Variants in TRHDE observed in about 807,000 individuals in gnomAD.
TRHDE encodes the protein thyrotropin releasing hormone degrading enzyme.
TRHDE carries 72 observed loss-of-function variants against 125.7 expected under a neutral mutation model. The ratio of observed to expected loss-of-function variants is 0.57; its 90% CI spans 0.47 to 0.70. The LOEUF (loss-of-function observed/expected upper bound fraction) is 0.70, where lower values mean the gene tolerates loss of function less well. Ranked by LOEUF, TRHDE falls within the 30% of genes least tolerant of loss-of-function variation. TRHDE has a pLI of 0.00. For synonymous variants in TRHDE, 509 were observed against 509.1 expected (o/e 1.00, Z 0.00); for missense variants, 1,110 against 1,327.1 (o/e 0.84, Z 2.54).
rs536357915 is a variant in TRHDE, at chr12:72,278,864, C to G, written c.914+5307C>G. Among the ~76,000 whole-genome samples the G allele has an allele frequency of 2.0e-5, 3 of 152,314 alleles. No homozygotes were observed. In the South Asian group the frequency reaches 6.2e-4, roughly 32 times the overall value. ...ATTAATCACTTATCAGATGTACAGACTGCGAATATTTTCTCCCATTCTATA... is the reference window on the plus strand; with the variant it reads ...ATTAATCACTTATCAGATGTACAGAGTGCGAATATTTTCTCCCATTCTATA... On this transcript the variant is annotated intron_variant, in intron 1 of 18. Transcript: ENST00000261180.
chr12:72,291,217 T>TA (rs1211020105), intron 2 of TRHDE, among the ~76,000 whole-genome samples: 4 of 152,190 alleles, frequency 2.6e-5, no homozygotes, highest in African/African-American at 9.7e-5. Flanking sequence ...TAACGAAAGA[T>TA]ACAAGCTACC....
chr12:72,257,850 T>C (rs2139391921), intron 2 of TRHDE: 1 of 152,298 alleles, frequency 6.6e-6, no homozygotes, highest in African/African-American at 2.4e-5. Flanking sequence ...TACATCCTGA[T>C]TTTCTTTCAT....
intron 2 of TRHDE, among the ~76,000 whole-genome samples, chr12:72,134,259 C>G (rs184967656): frequency 1.2e-3 from 185 of 152,198 alleles, no homozygotes; most frequent in Non-Finnish European, 2.2e-3. Context: ...GAGGGCTGGT[C>G]CCTATTAGGC....
intron 2 of TRHDE, chr12:72,254,651 A>G (rs564046802): frequency 1.8e-4 from 27 of 152,324 alleles, no homozygotes; most frequent in African/African-American, 6.5e-4. Context: ...AAAAGAAAAG[A>G]ATGTTCACAA....
intron 7 of TRHDE, among the ~76,000 whole-genome samples, chr12:72,552,795 G>A (rs1172510257): frequency 6.6e-6 from 1 of 152,164 alleles, no homozygotes; most frequent in East Asian, 1.9e-4. Flanking sequence ...AAGAAAAACA[G>A]GGTCAGTTGT....
chr12:72,285,375 C>T (rs569913793), intron 1 of TRHDE, among the ~76,000 whole-genome samples: 226 of 152,172 alleles, frequency 1.5e-3, no homozygotes, highest in Non-Finnish European at 2.1e-3. Context: ...AAAGAAATCG[C>T]TTCAGAACTC....
intron 2 of TRHDE, among the ~76,000 whole-genome samples, chr12:72,187,676 G>A (rs1253056775): frequency 6.6e-6 from 1 of 152,092 alleles, no homozygotes; most frequent in African/African-American, 2.4e-5. Context: ...TGATGCAAAT[G>A]TTCATCATTT....
At chr12:72,249,290 G>A (rs1411342675) in intron 2 of TRHDE, among the ~76,000 whole-genome samples, 2 of 152,148 alleles carry the variant, frequency 1.3e-5, no homozygotes, top group African/African-American at 4.8e-5. Context: ...TTAATAATCT[G>A]TGTACCTGAC....
At chr12:72,629,677 A>T (rs1331287381) in intron 15 of TRHDE, among the ~76,000 whole-genome samples, 3 of 151,758 alleles carry the variant, frequency 2.0e-5, no homozygotes, top group African/African-American at 7.2e-5. Flanking sequence ...AAATATTTGT[A>T]CTAAGACACA....
chr12:72,403,628 C>T (rs760909738), intron 3 of TRHDE, among the ~76,000 whole-genome samples: 4 of 152,096 alleles, frequency 2.6e-5, no homozygotes, highest in African/African-American at 9.7e-5. Flanking sequence ...TATTCCAAAA[C>T]GAGAGCCAGG....
intron 18 of TRHDE, among the ~76,000 whole-genome samples, chr12:72,658,416 CTT>C (rs1874789261): frequency 6.6e-6 from 1 of 152,096 alleles, no homozygotes; most frequent in Non-Finnish European, 1.5e-5. Flanking sequence ...TCCCTCTTCT[CTT>C]CTCTCCTGTT....
chr12:72,208,005 C>T (rs1447612155), intron 2 of TRHDE, among the ~76,000 whole-genome samples: 1 of 152,166 alleles, frequency 6.6e-6, no homozygotes, highest in Non-Finnish European at 1.5e-5. Context: ...CCGTGCTGAG[C>T]ATCTCAGACC....
Position 72,426,731 on chromosome 12 carries a change from C to A in TRHDE, c.1316-43027C>A, listed in dbSNP as rs558785411. ...CAAAAATAGATTTAAAAAAAAAAAACCAGTTCTTATGTAATTTACATTCTT... is the reference window on the plus strand; with the variant it reads ...CAAAAATAGATTTAAAAAAAAAAAAACAGTTCTTATGTAATTTACATTCTT... On this transcript the variant is annotated intron_variant, in intron 3 of 18. Coordinates refer to ENST00000261180, the MANE Select transcript of TRHDE (RefSeq NM_013381.3). Among the ~76,000 whole-genome samples the A allele has an allele frequency of 3.3e-4, 50 of 151,372 alleles. No homozygotes were observed. In the East Asian group the frequency reaches 5.0e-3, roughly 15 times the overall value.
At chr12:72,212,383 A>G (rs1271881847) in intron 2 of TRHDE, among the ~76,000 whole-genome samples, 1 of 152,156 alleles carries the variant, frequency 6.6e-6, no homozygotes, top group African/African-American at 2.4e-5. Context: ...ACTTCATTCA[A>G]AGTGAAACAT....
At chr12:72,565,507 T>A (rs199526773) in intron 9 of TRHDE, among the ~76,000 whole-genome samples, 2 of 152,316 alleles carry the variant, frequency 1.3e-5, no homozygotes, top group East Asian at 3.9e-4. Flanking sequence ...AAGTTGTGAA[T>A]TTGCGTAGCC....
intron 10 of TRHDE, among the ~76,000 whole-genome samples, chr12:72,571,621 T>G (rs531816017): frequency 6.6e-6 from 1 of 152,256 alleles, no homozygotes; most frequent in East Asian, 1.9e-4. Flanking sequence ...TACCAAAAAT[T>G]CAGACATTTG....
chr12:72,515,416 T>G (rs1448252848), intron 6 of TRHDE, among the ~76,000 whole-genome samples: 3 of 151,386 alleles, frequency 2.0e-5, no homozygotes, highest in Non-Finnish European at 4.4e-5. Context: ...TCATGTGTTT[T>G]TTGGCTGCAT....
intron 5 of TRHDE, among the ~76,000 whole-genome samples, chr12:72,481,987 T>C (rs758395036): frequency 6.0e-4 from 91 of 152,136 alleles, no homozygotes; most frequent in South Asian, 1.9e-3. Context: ...TAAGTGCTGT[T>C]AATGGTATAT....
chr12:72,377,808 A>T (rs558021569), intron 2 of TRHDE, among the ~76,000 whole-genome samples, 187 bp from the exon 3 acceptor site: 1 of 152,238 alleles, frequency 6.6e-6, no homozygotes, highest in South Asian at 2.1e-4. Flanking sequence ...CTCCTTGGTT[A>T]CTTCAATTAC....
Sources: gnomAD v4.1 joint callset for allele counts (sites outside exome capture counted in the v4.1 genomes callset) on GRCh38, gnomAD v4.1.1 for gene constraint, MANE v1.5 for transcripts, NCBI Gene and HGNC (gene_info 2026-07-23, HGNC 2026-07-21) for gene names.